The following RC3H2 variants were observed in gnomAD, a reference collection of about 807,000 sequenced individuals.
RC3H2 encodes the protein roquin-2.
Under a neutral mutation model 133.3 loss-of-function variants are expected in RC3H2, and 31 were observed. The observed-to-expected ratio is 0.23, with a 90% CI of 0.17 to 0.31. The LOEUF is 0.31. RC3H2 is among the 10% of genes least tolerant of loss of function. RC3H2 has a pLI of 1.00. For missense variants in RC3H2, 1,175 were observed against 1,437.2 expected (o/e 0.82, Z 2.95); for synonymous variants, 517 against 502.2 (o/e 1.03, Z -0.40).
intron 4 of RC3H2, 132 bp downstream of exon 4, chr9:122,890,180 A>AATTT: frequency 1.4e-6 from 1 of 724,994 alleles, no homozygotes; most frequent in South Asian, 1.6e-5. Flanking sequence ...AACAAAAACA[A>AATTT]ATTTATCTTT....
chr9:122,864,455 T>G (rs1443913338), intron 10 of RC3H2, among the ~76,000 whole-genome samples: 1 of 152,294 alleles, frequency 6.6e-6, no homozygotes, highest in East Asian at 1.9e-4. Context: ...GGAGTATTAA[T>G]TCACTTAATC....
chr9:122,853,679 G>C (rs899868740), intron 18 of RC3H2: 23 of 738,842 alleles, frequency 3.1e-5, no homozygotes, highest in Non-Finnish European at 4.2e-5. Context: ...TTGAACCTGA[G>C]AGCCAGAGGC....
intron 4 of RC3H2, among the ~76,000 whole-genome samples, chr9:122,889,201 A>G (rs760387954): frequency 2.0e-5 from 3 of 152,154 alleles, no homozygotes; most frequent in South Asian, 2.1e-4. Context: ...TTTGTGATGT[A>G]AATTAAACAC....
chr9:122,852,835 G>C (rs1258528929), intron 18 of RC3H2, among the ~76,000 whole-genome samples: 4 of 152,086 alleles, frequency 2.6e-5, no homozygotes, highest in African/African-American at 9.7e-5. Context: ...CCCCTACTGG[G>C]AAGTGAGGAG....
At position 122,885,311 on chromosome 9, in the gene RC3H2, A is replaced by G. The variant is rs577607571; in HGVS notation, c.584-1932T>C. On this transcript the variant is annotated intron_variant, in intron 4 of 20. Coordinates refer to ENST00000357244, the MANE Select transcript of RC3H2 (RefSeq NM_001100588.3). Reference sequence around the variant, plus strand: ...AGTGCTGAATGTCGGTAAAGAATATATAAAAAATTCTCTGCATTATTCTTA... The same window carrying G: ...AGTGCTGAATGTCGGTAAAGAATATGTAAAAAATTCTCTGCATTATTCTTA... Among the ~76,000 whole-genome samples the G allele has an allele frequency of 5.9e-5, 9 of 152,368 alleles. No individual in the cohort carries two copies. The South Asian group carries it at 1.7e-3, about 28-fold the overall frequency.
rs761482698 is a variant in RC3H2, at chr9:122,849,675, T to A, written c.3528A>T (p.Lys1176Asn). Residue 1176 changes from lysine to asparagine, a missense_variant, in exon 21 of 21, where the codon AAA becomes AAT. This residue lies in a region of RC3H2 where 220 missense variants were observed against 201.1 expected (regional missense o/e 1.09). Coordinates refer to ENST00000357244, the MANE Select transcript of RC3H2 (RefSeq NM_001100588.3). ...ILKTHVMSED[K>N]NDFLKPVANG... Reference sequence around the variant, plus strand: ...TTGCAACAGGTTTTAAAAAGTCGTTTTTATCTTCAGACATAACATGAGTTT... The same window carrying A: ...TTGCAACAGGTTTTAAAAAGTCGTTATTATCTTCAGACATAACATGAGTTT... 1.2e-6 allele frequency: 2 copies of A among 1,613,574 alleles called. No homozygotes were observed. Among genetic ancestry groups the A allele is most frequent in the Non-Finnish European group, 8.5e-7 (1 of 1,179,848 alleles).
At chr9:122,880,298 T>A in intron 6 of RC3H2, 173 bp from the exon 7 acceptor site, 1 of 856,742 alleles carries the variant, frequency 1.2e-6, no homozygotes, top group Non-Finnish European at 2.0e-6. Context: ...ATGAAATTCA[T>A]CATTAGACAC....
At chr9:122,900,518 G>C (rs960486553) in intron 1 of RC3H2, among the ~76,000 whole-genome samples, 3 of 151,956 alleles carry the variant, frequency 2.0e-5, no homozygotes, top group Non-Finnish European at 4.4e-5. Flanking sequence ...AAATATTTTT[G>C]TAACTACCAA....
At chr9:122,873,543 TA>T (rs950114432) in intron 9 of RC3H2, among the ~76,000 whole-genome samples, 3 of 151,898 alleles carry the variant, frequency 2.0e-5, no homozygotes, top group African/African-American at 7.3e-5. Context: ...TCCCCATCTC[TA>T]CAAAAAATAT....
intron 2 of RC3H2, among the ~76,000 whole-genome samples, chr9:122,894,804 T>C (rs1397093436): frequency 1.3e-5 from 2 of 152,024 alleles, no homozygotes; most frequent in Non-Finnish European, 2.9e-5. Context: ...CACTTGAACC[T>C]GGGAGGTGGA....
At chr9:122,904,628 G>A (rs377308173) in intron 1 of RC3H2, among the ~76,000 whole-genome samples, 2 of 152,174 alleles carry the variant, frequency 1.3e-5, no homozygotes, top group African/African-American at 4.8e-5. Flanking sequence ...ATCCTGGGAG[G>A]TTAAGCCCTC....
At chr9:122,900,658 C>T (rs1383594410) in intron 1 of RC3H2, among the ~76,000 whole-genome samples, 2 of 152,072 alleles carry the variant, frequency 1.3e-5, no homozygotes, top group African/African-American at 4.8e-5. Context: ...TTATTTGAGT[C>T]TATGTAAGTC....
rs543418819 is a variant in RC3H2 at position 122,899,813 on chromosome 9, A to G, written c.-67-2237T>C. Among the ~76,000 whole-genome samples the G allele has an allele frequency of 2.0e-5, 3 of 152,360 alleles. No individual in the cohort carries two copies. The East Asian group carries it at 5.8e-4, about 29-fold the overall frequency. ...AACTTGAACTGATTAAATATTTATG[A>G]AAACAGGACACTGCGTGTAGTTTTT... On this transcript the variant is annotated intron_variant, in intron 1 of 20. Transcript: ENST00000357244.
At chr9:122,881,350 GGT>G (rs1276626027) in intron 5 of RC3H2, among the ~76,000 whole-genome samples, 2 of 151,360 alleles carry the variant, frequency 1.3e-5, no homozygotes, top group African/African-American at 4.9e-5. Flanking sequence ...AGTCAGGCAT[GGT>G]GGTGGCAGGC....
chr9:122,868,465 C>T (rs1282527407), intron 9 of RC3H2, among the ~76,000 whole-genome samples: 1 of 151,678 alleles, frequency 6.6e-6, no homozygotes, highest in East Asian at 1.9e-4. Flanking sequence ...CTCTCTGAAA[C>T]ATGTGCTGTG....
chr9:122,851,599 T>C (rs920479357), intron 18 of RC3H2, 163 bp from the exon 19 acceptor site: 12 of 881,140 alleles, frequency 1.4e-5, no homozygotes, highest in Non-Finnish European at 2.0e-5. Context: ...CCTCCCTGCC[T>C]GATTCTCCTG....
rs553631646 is a variant in RC3H2, at chr9:122,863,887, G to A, written c.1634+1462C>T. On this transcript the variant is annotated intron_variant, in intron 10 of 20. Coordinates refer to ENST00000357244, the MANE Select transcript of RC3H2 (RefSeq NM_001100588.3). ...CAGGTAGCTGGGATTACAGGCATGC[G>A]CCACCATGCCTGGCTAATTTTGTAT... 1.8e-3 allele frequency among the ~76,000 whole-genome samples: 274 copies of A among 152,214 alleles called. 1 individual carries two copies. The highest frequency in any genetic ancestry group is 5.2e-3 in the East Asian group (27 of 5,178).
chr9:122,878,416 G>C (rs1000729287), intron 8 of RC3H2, among the ~76,000 whole-genome samples: 3 of 151,892 alleles, frequency 2.0e-5, no homozygotes, highest in Admixed American at 6.6e-5. Flanking sequence ...GACTACAGGC[G>C]CCTGCCACCA....
rs533868285 is a variant in RC3H2 at position 122,900,751 on chromosome 9, TAAAAGG to T, written c.-67-3181_-67-3176del. 2.9e-3 allele frequency among the ~76,000 whole-genome samples: 442 copies of T among 152,298 alleles called. 5 individuals are homozygous for T. The highest frequency in any genetic ancestry group is 9.8e-3 in the African/African-American group (409 of 41,572). On this transcript the variant is annotated intron_variant, in intron 1 of 20. Coordinates refer to ENST00000357244, the MANE Select transcript of RC3H2 (RefSeq NM_001100588.3). ...CATTTCAAACTGAGATAAAATGGAC[TAAAAGG>T]CCTACAACTCAAGATACCTAAAGTG...
Sources: allele counts gnomAD v4.1 joint callset (sites outside exome capture counted in the v4.1 genomes callset), GRCh38; gene constraint gnomAD v4.1.1; regional missense constraint gnomAD v4.1.1; transcripts MANE v1.5; gene names NCBI Gene and HGNC (gene_info 2026-07-23, HGNC 2026-07-21).